EGFLAM: variants seen among roughly 807,000 people sequenced by gnomAD.
The protein encoded by EGFLAM is pikachurin.
In EGFLAM, 79 loss-of-function variants were observed where a neutral mutation model predicts 113.1. The observed-to-expected ratio is 0.70, with a 90% CI of 0.58 to 0.84. The LOEUF is 0.84. EGFLAM is among the 40% of genes least tolerant of loss of function. The pLI, the probability that EGFLAM is intolerant of heterozygous loss-of-function variation, is 0.00. For synonymous variants in EGFLAM, 504 were observed against 487.6 expected, an observed-to-expected ratio of 1.03 and a Z score of -0.44; for missense variants, 1,265 against 1,291.6, an observed-to-expected ratio of 0.98 and a Z score of 0.32.
chr5:38,445,379 G>C, intron 17 of EGFLAM: 1 of 880,422 alleles, frequency 1.1e-6, no homozygotes, highest in Non-Finnish European at 1.5e-6. Context: ...GGGAGCCTCA[G>C]AAGTGTCAGA....
intron 1 of EGFLAM, among the ~76,000 whole-genome samples, chr5:38,304,512 C>T (rs150260575): frequency 1.9e-3 from 285 of 152,298 alleles, no homozygotes; most frequent in African/African-American, 6.4e-3. Context: ...TTAGGTCAGA[C>T]TTGTTCCTTT....
At chr5:38,331,746 G>C (rs954234218) in intron 1 of EGFLAM, among the ~76,000 whole-genome samples, 2 of 152,082 alleles carry the variant, frequency 1.3e-5, no homozygotes, top group Middle Eastern at 3.4e-3. Context: ...CTTCCTTTTC[G>C]TGGCTTGATA....
intron 9 of EGFLAM, 126 bp downstream of exon 9, chr5:38,408,031 G>T (rs1741351005): frequency 1.5e-6 from 1 of 668,394 alleles, no homozygotes; most frequent in Admixed American, 2.6e-5. Flanking sequence ...ATATGACACA[G>T]AGCCTGTCTC....
chr5:38,368,339 G>T (rs1740118234), intron 5 of EGFLAM, among the ~76,000 whole-genome samples: 1 of 152,168 alleles, frequency 6.6e-6, no homozygotes, highest in African/African-American at 2.4e-5. Context: ...TCAGGAAAGA[G>T]AAACCAGCCC....
intron 12 of EGFLAM, among the ~76,000 whole-genome samples, chr5:38,422,477 T>C (rs554524683): frequency 1.3e-5 from 2 of 152,326 alleles, no homozygotes; most frequent in Non-Finnish European, 2.9e-5. Flanking sequence ...CCTTTGGTGG[T>C]CTGGGGAAGC....
rs977150743 is a variant in EGFLAM, at chr5:38,268,758, A to G, written c.97+9907A>G. Reference sequence around the variant, plus strand: ...CCACCACAATTTTAAAAAGGAATCTAAAAACTAAACAGTCAAATTGATTTA... The same window carrying G: ...CCACCACAATTTTAAAAAGGAATCTGAAAACTAAACAGTCAAATTGATTTA... On this transcript the variant is annotated intron_variant, in intron 1 of 21. Coordinates refer to ENST00000322350, the MANE Select transcript of EGFLAM (RefSeq NM_152403.4). Among the ~76,000 whole-genome samples the G allele has an allele frequency of 1.2e-4, 18 of 152,366 alleles. No homozygotes were observed. The Middle Eastern group carries it at 0.01, about 86-fold the overall frequency.
chr5:38,451,737 T>C, intron 19 of EGFLAM: 1 of 341,340 alleles, frequency 2.9e-6, no homozygotes, highest in Non-Finnish European at 5.3e-6. Context: ...ACGCCTGTAA[T>C]CCTAGCACTT....
At chr5:38,282,788 T>G (rs1387492961) in intron 1 of EGFLAM, among the ~76,000 whole-genome samples, 1 of 152,188 alleles carries the variant, frequency 6.6e-6, no homozygotes, top group African/African-American at 2.4e-5. Flanking sequence ...ATTAGGAAAC[T>G]CCAAATCCTG....
At chr5:38,414,455 T>C (rs186432381) in intron 11 of EGFLAM, among the ~76,000 whole-genome samples, 34 of 152,296 alleles carry the variant, frequency 2.2e-4, no homozygotes, top group Non-Finnish European at 4.3e-4. Context: ...AACAGGGTCA[T>C]GTGGTAACAA....
At chr5:38,286,696 T>C (rs1395510212) in intron 1 of EGFLAM, among the ~76,000 whole-genome samples, 1 of 152,242 alleles carries the variant, frequency 6.6e-6, no homozygotes, top group African/African-American at 2.4e-5. Context: ...TGTAGATATA[T>C]TGCCATTATG....
intron 12 of EGFLAM, among the ~76,000 whole-genome samples, chr5:38,418,773 A>G (rs1423066277): frequency 6.6e-6 from 1 of 152,204 alleles, no homozygotes; most frequent in East Asian, 1.9e-4. Flanking sequence ...TTTACAGATG[A>G]GGAAACTGGG....
At chr5:38,399,218 T>G in intron 6 of EGFLAM, among the ~76,000 whole-genome samples, 1 of 151,958 alleles carries the variant, frequency 6.6e-6, no homozygotes, top group Non-Finnish European at 1.5e-5. Flanking sequence ...AGAACTGAAT[T>G]AATTCATTCC....
intron 1 of EGFLAM, among the ~76,000 whole-genome samples, chr5:38,322,542 G>A (rs1185379754): frequency 6.6e-6 from 1 of 152,160 alleles, no homozygotes; most frequent in Non-Finnish European, 1.5e-5. Flanking sequence ...CTAGTACTCT[G>A]CAGATACTTC....
chr5:38,289,861 T>A (rs1171254051), intron 1 of EGFLAM, among the ~76,000 whole-genome samples: 4 of 152,208 alleles, frequency 2.6e-5, no homozygotes, highest in African/African-American at 9.6e-5. Flanking sequence ...ACTCCATTAC[T>A]TAAAGTCTTT....
chr5:38,360,957 C>T (rs1230184564), intron 5 of EGFLAM, among the ~76,000 whole-genome samples: 2 of 151,772 alleles, frequency 1.3e-5, no homozygotes, highest in South Asian at 2.1e-4. Flanking sequence ...CAGGTTCAAG[C>T]AATCCTCCTA....
intron 6 of EGFLAM, among the ~76,000 whole-genome samples, chr5:38,392,293 CT>C (rs1440249983): frequency 2.0e-5 from 3 of 152,156 alleles, no homozygotes; most frequent in African/African-American, 7.2e-5. Flanking sequence ...TGATCTTATT[CT>C]TTTTTAGGAC....
chr5:38,359,207 C>T (rs770057777), intron 5 of EGFLAM, among the ~76,000 whole-genome samples: 3 of 152,116 alleles, frequency 2.0e-5, no homozygotes, highest in Non-Finnish European at 4.4e-5. Context: ...AATCGGGGTG[C>T]CATGCCTGTC....
chr5:38,264,312 T>G (rs568887518), intron 1 of EGFLAM, among the ~76,000 whole-genome samples: 3 of 152,318 alleles, frequency 2.0e-5, no homozygotes, highest in African/African-American at 7.2e-5. Context: ...GTGTCCATAA[T>G]CATCCTTAGC....
chr5:38,395,950 C>T (rs1186910623), intron 6 of EGFLAM, among the ~76,000 whole-genome samples: 3 of 152,068 alleles, frequency 2.0e-5, no homozygotes, highest in African/African-American at 7.2e-5. Flanking sequence ...AACGTGTGTT[C>T]TCTACTCATA....
Sources: gnomAD v4.1 joint callset for allele counts (sites outside exome capture counted in the v4.1 genomes callset) on GRCh38, gnomAD v4.1.1 for gene constraint, MANE v1.5 for transcripts, NCBI Gene and HGNC (gene_info 2026-07-23, HGNC 2026-07-21) for gene names.